Variants in TRAM2 observed in about 807,000 individuals in gnomAD.
TRAM2 encodes translocating chain-associated membrane protein 2.
Under a neutral mutation model 51.0 loss-of-function variants are expected in TRAM2, and 12 were observed. That is an observed-to-expected ratio of 0.24 (90% CI 0.15 to 0.38). TRAM2 has a LOEUF of 0.38. Among genes scored for constraint, TRAM2 ranks in the 10% least tolerant of loss-of-function variants. The pLI is 1.00. For synonymous variants in TRAM2, 175 were observed against 179.4 expected (o/e 0.98, Z 0.20); for missense variants, 361 against 462.0 (o/e 0.78, Z 2.00).
At chr6:52,562,340 G>C (rs115435625) in intron 1 of TRAM2, among the ~76,000 whole-genome samples, 3 of 152,290 alleles carry the variant, frequency 2.0e-5, no homozygotes, top group African/African-American at 7.2e-5. Context: ...GAAAAAGTGG[G>C]CTGCAGTTTG....
intron 2 of TRAM2, chr6:52,525,023 T>C (rs181312084): frequency 6.4e-4 from 98 of 152,372 alleles, no homozygotes; most frequent in African/African-American, 2.3e-3. Context: ...TGCATGATAC[T>C]GAGCACCTCT....
chr6:52,558,511 G>A lies in TRAM2; in HGVS notation c.120+18285C>T, dbSNP rs1350791771. Among the ~76,000 whole-genome samples the A allele has an allele frequency of 7.9e-5, 12 of 152,144 alleles. 1 individual carries two copies. The South Asian group carries it at 8.3e-4, about 10-fold the overall frequency. ...GTGGATGTGCTTAACACTACTTAAC[G>A]GCACACTTAAAAATGGTTAAGATGG... On this transcript the variant is annotated intron_variant, in intron 1 of 10. Transcript: ENST00000182527.
intron 2 of TRAM2, among the ~76,000 whole-genome samples, chr6:52,525,506 T>C (rs928343108): frequency 6.6e-6 from 1 of 152,114 alleles, no homozygotes; most frequent in Non-Finnish European, 1.5e-5. Flanking sequence ...GGTTGAATTG[T>C]ACCTCCATTA....
chr6:52,534,196 A>G (rs1370812737), intron 2 of TRAM2, among the ~76,000 whole-genome samples: 1 of 151,874 alleles, frequency 6.6e-6, no homozygotes, highest in Non-Finnish European at 1.5e-5. Flanking sequence ...AGCCTGACCA[A>G]AATGGAGAAA....
chr6:52,520,685 C>T (rs374454491), intron 2 of TRAM2, among the ~76,000 whole-genome samples: 4 of 152,176 alleles, frequency 2.6e-5, no homozygotes, highest in East Asian at 1.9e-4. Flanking sequence ...GGACACAGTC[C>T]GTTTCTTGGG....
intron 10 of TRAM2, among the ~76,000 whole-genome samples, chr6:52,504,157 A>G (rs1766295369): frequency 6.6e-6 from 1 of 152,144 alleles, no homozygotes; most frequent in Non-Finnish European, 1.5e-5. Flanking sequence ...ATTCTTGGAG[A>G]CAGAGGAGGA....
intron 1 of TRAM2, among the ~76,000 whole-genome samples, chr6:52,573,795 G>C (rs941052774): frequency 2.6e-5 from 4 of 152,172 alleles, no homozygotes; most frequent in Non-Finnish European, 5.9e-5. Flanking sequence ...GTGAGTGGGG[G>C]AAAGAGCAAC....
intron 4 of TRAM2, among the ~76,000 whole-genome samples, chr6:52,510,619 G>A (rs1356014319): frequency 3.3e-5 from 5 of 152,210 alleles, no homozygotes; most frequent in Non-Finnish European, 7.3e-5. Context: ...GACCAACACA[G>A]GGAAATGAAG....
chr6:52,555,302 C>G (rs1767385796), intron 1 of TRAM2, among the ~76,000 whole-genome samples: 1 of 152,040 alleles, frequency 6.6e-6, no homozygotes, highest in South Asian at 2.1e-4. Context: ...CCACCTCTCC[C>G]CCAGCAGCAG....
At chr6:52,532,282 C>G (rs1289818825) in intron 2 of TRAM2, among the ~76,000 whole-genome samples, 58 of 152,176 alleles carry the variant, frequency 3.8e-4, no homozygotes, top group Admixed American at 3.8e-3. Context: ...CAGGATAATT[C>G]TTTCTCATGG....
At chr6:52,514,608 G>A (rs1033689006) in intron 4 of TRAM2, among the ~76,000 whole-genome samples, 16 of 152,252 alleles carry the variant, frequency 1.1e-4, no homozygotes, top group Non-Finnish European at 2.2e-4. Flanking sequence ...CCTGGAAGGC[G>A]TGTTAAGCAA....
chr6:52,523,209 C>T, intron 2 of TRAM2: 1 of 330,844 alleles, frequency 3.0e-6, no homozygotes, highest in Non-Finnish European at 5.4e-6. Context: ...GAATTTTTTA[C>T]ACTATATATA....
chr6:52,514,730 G>A (rs1029366188), intron 4 of TRAM2, among the ~76,000 whole-genome samples: 2 of 152,308 alleles, frequency 1.3e-5, no homozygotes, highest in South Asian at 2.1e-4. Context: ...CCTCCTGAAC[G>A]GCGTCTTTGG....
At chr6:52,503,817 C>T (rs938274184) in intron 10 of TRAM2, among the ~76,000 whole-genome samples, 2 of 152,180 alleles carry the variant, frequency 1.3e-5, no homozygotes, top group East Asian at 1.9e-4. Flanking sequence ...AAAATACCTC[C>T]GTGCGCTTGC....
intron 10 of TRAM2, among the ~76,000 whole-genome samples, chr6:52,504,258 G>A (rs1411302422): frequency 1.3e-5 from 2 of 152,244 alleles, no homozygotes. Flanking sequence ...AGAATGGGCG[G>A]CGGCGGCAGT....
intron 1 of TRAM2, among the ~76,000 whole-genome samples, chr6:52,536,669 G>GTAA (rs1766981664): frequency 6.6e-6 from 1 of 152,182 alleles, no homozygotes. Flanking sequence ...AGGGGTGCTT[G>GTAA]TAATACCTCA....
chr6:52,519,461 GA>G (rs1414904812), intron 2 of TRAM2, among the ~76,000 whole-genome samples: 1 of 152,132 alleles, frequency 6.6e-6, no homozygotes, highest in Non-Finnish European at 1.5e-5. Flanking sequence ...TTACAATGAG[GA>G]AAAAACAAAC....
intron 1 of TRAM2, among the ~76,000 whole-genome samples, chr6:52,536,179 G>C (rs1451286660): frequency 2.0e-5 from 3 of 152,184 alleles, no homozygotes; most frequent in Non-Finnish European, 4.4e-5. Context: ...TTAGTTCTGT[G>C]CATCAGCATT....
intron 4 of TRAM2, 189 bp downstream of exon 4, chr6:52,515,817 G>A: frequency 1.7e-6 from 1 of 597,670 alleles, no homozygotes; most frequent in South Asian, 2.0e-5. Context: ...GCATCTCTCT[G>A]TAATACCATG....
Sources: allele counts gnomAD v4.1 joint callset (sites outside exome capture counted in the v4.1 genomes callset), GRCh38; gene constraint gnomAD v4.1.1; transcripts MANE v1.5; gene names NCBI Gene and HGNC (gene_info 2026-07-23, HGNC 2026-07-21).